The following PDE10A variants were observed in gnomAD, a reference collection of about 807,000 sequenced individuals.
The protein encoded by PDE10A is cAMP and cAMP-inhibited cGMP 3',5'-cyclic phosphodiesterase 10A.
PDE10A carries 39 observed loss-of-function variants against 97.7 expected under a neutral mutation model. That is an observed-to-expected ratio of 0.40 (90% CI 0.31 to 0.52). PDE10A has a LOEUF of 0.52. PDE10A is among the 20% of genes least tolerant of loss of function. PDE10A has a pLI of 0.56. For synonymous variants in PDE10A, 371 were observed against 376.8 expected, an observed-to-expected ratio of 0.98 and a Z score of 0.18; for missense variants, 731 against 1,047.8, an observed-to-expected ratio of 0.70 and a Z score of 4.17.
intron 18 of PDE10A, among the ~76,000 whole-genome samples, chr6:165,355,897 C>T (rs200363278): frequency 2.0e-4 from 30 of 152,156 alleles, no homozygotes; most frequent in East Asian, 3.9e-4. Context: ...ATTTTCACAC[C>T]GCTATAAAGA....
intron 1 of PDE10A, among the ~76,000 whole-genome samples, chr6:165,566,030 T>G (rs531692825): frequency 6.6e-6 from 1 of 152,310 alleles, no homozygotes; most frequent in South Asian, 2.1e-4. Context: ...TGTCATTTAC[T>G]TTTTAGAAGC....
chr6:165,907,917 C>A (rs370130986), intron 1 of PDE10A, among the ~76,000 whole-genome samples: 1 of 152,186 alleles, frequency 6.6e-6, no homozygotes, highest in Non-Finnish European at 1.5e-5. Context: ...TCATTGCTAC[C>A]TAAACCAACA....
chr6:165,626,128 G>C lies in PDE10A; in HGVS notation c.865+35819C>G, dbSNP rs1011728136. On this transcript the variant is annotated intron_variant, in intron 1 of 21. Coordinates refer to ENST00000539869, the MANE Select transcript of PDE10A (RefSeq NM_001385079.1). Reference sequence around the variant, plus strand: ...GGGGATCAAAGACACAGTTACCCAGGAAGGAGGGTGCAGCCAGCTTCATCA... The same window carrying C: ...GGGGATCAAAGACACAGTTACCCAGCAAGGAGGGTGCAGCCAGCTTCATCA... 6.6e-5 allele frequency among the ~76,000 whole-genome samples: 10 copies of C among 152,264 alleles called. No homozygotes were observed. The South Asian group carries it at 1.5e-3, about 22-fold the overall frequency.
chr6:165,460,292 A>G (rs1314678525), intron 3 of PDE10A, among the ~76,000 whole-genome samples: 1 of 152,240 alleles, frequency 6.6e-6, no homozygotes, highest in Non-Finnish European at 1.5e-5. Context: ...TACAGGAGTC[A>G]TTGATTCAGA....
intron 1 of PDE10A, among the ~76,000 whole-genome samples, chr6:165,776,571 T>TA (rs1156888480): frequency 1.3e-5 from 2 of 152,220 alleles, no homozygotes; most frequent in Non-Finnish European, 2.9e-5. Flanking sequence ...ATTCATCACT[T>TA]ACATTTGCAG....
At chr6:165,563,708 T>C (rs1015938706) in intron 1 of PDE10A, among the ~76,000 whole-genome samples, 5 of 151,868 alleles carry the variant, frequency 3.3e-5, no homozygotes, top group Admixed American at 2.6e-4. Flanking sequence ...CTGGCCAACA[T>C]AGTGAAAACC....
chr6:165,426,189 C>A (rs996965933), intron 10 of PDE10A, among the ~76,000 whole-genome samples: 3 of 152,086 alleles, frequency 2.0e-5, no homozygotes, highest in Non-Finnish European at 2.9e-5. Flanking sequence ...TAGAAATTGA[C>A]CTGCTACTTC....
At chr6:165,668,712 G>C (rs1790558419) in intron 1 of PDE10A, among the ~76,000 whole-genome samples, 2 of 143,340 alleles carry the variant, frequency 1.4e-5, no homozygotes, top group Admixed American at 1.5e-4. Flanking sequence ...AGAAAGAAAA[G>C]AAAGAAAGAG....
Position 165,418,647 on chromosome 6 carries a change from G to T in PDE10A, c.1784C>A (p.Thr595Asn). ...CTTCTAGCTGTACCTTATCTCTTTG[G>T]TCTTCTTGAAGACAGGTTTTCCTTC... is the stretch of plus-strand genomic sequence containing the variant. ...EKEGKPVFKK[T>N]KEIRFSIEKG... The change falls in exon 11 of 22, where the codon ACC (threonine) becomes AAC (asparagine). Residue 595 changes from threonine to asparagine, a missense_variant. This residue lies in a region of PDE10A where 108 missense variants were observed against 199.8 expected (regional missense o/e 0.54). Transcript: ENST00000539869. This position sits in a 1 kb window ranked among gnomAD's most constrained non-coding sequence, Gnocchi z 4.8. 1 of 1,612,768 alleles carries T rather than the reference G, an allele frequency of 6.2e-7. No individual in the cohort carries two copies. Among genetic ancestry groups the T allele is most frequent in the Non-Finnish European group, 8.5e-7 (1 of 1,179,746 alleles).
At chr6:165,873,756 ATAAGT>A (rs1781263924) in intron 1 of PDE10A, among the ~76,000 whole-genome samples, 1 of 152,246 alleles carries the variant, frequency 6.6e-6, no homozygotes. Context: ...GAATAAAAAA[ATAAGT>A]TAAGCTATTC....
intron 1 of PDE10A, among the ~76,000 whole-genome samples, chr6:165,609,847 C>T (rs1037261294): frequency 6.6e-5 from 10 of 152,182 alleles, no homozygotes; most frequent in African/African-American, 2.4e-4. Flanking sequence ...CACTGCTCAA[C>T]TAAATAAAAG....
chr6:165,826,576 C>A (rs914860868), intron 1 of PDE10A, among the ~76,000 whole-genome samples: 1 of 152,098 alleles, frequency 6.6e-6, no homozygotes, highest in South Asian at 2.1e-4. Context: ...TCCCGCCACG[C>A]CCCCAGGTAT....
At chr6:165,556,016 A>G (rs1021156034) in intron 1 of PDE10A, among the ~76,000 whole-genome samples, 1 of 151,904 alleles carries the variant, frequency 6.6e-6, no homozygotes, top group Non-Finnish European at 1.5e-5. Context: ...TGCATAGCCT[A>G]CAAATACCGA....
At chr6:165,376,846 G>A (rs1052847385) in intron 18 of PDE10A, among the ~76,000 whole-genome samples, 2 of 152,134 alleles carry the variant, frequency 1.3e-5, no homozygotes, top group African/African-American at 4.8e-5. Context: ...TGGCGCCCAG[G>A]AGTTTGAGGC....
rs572541331 is a variant in PDE10A at position 165,830,028 on chromosome 6, T to A, written c.-615+157501A>T. Reference sequence around the variant, plus strand: ...AGCGGCAATAAACTGAAACTTCAGATAACCCCTCAAATATTCTGGAAATCT... The same window carrying A: ...AGCGGCAATAAACTGAAACTTCAGAAAACCCCTCAAATATTCTGGAAATCT... On this transcript the variant is annotated intron_variant, in intron 1 of 19. Coordinates refer to the PDE10A transcript ENST00000366882. Among the ~76,000 whole-genome samples the A allele has an allele frequency of 3.3e-5, 5 of 152,330 alleles. No individual in the cohort carries two copies. The South Asian group carries it at 1.0e-3, about 32-fold the overall frequency.
chr6:165,682,084 G>C (rs991771853), intron 1 of PDE10A, among the ~76,000 whole-genome samples: 1 of 152,136 alleles, frequency 6.6e-6, no homozygotes, highest in African/African-American at 2.4e-5. Context: ...GTAGCCAACT[G>C]TATCTCTTAC....
chr6:165,447,646 AAG>A (rs1790965734), intron 5 of PDE10A, among the ~76,000 whole-genome samples: 1 of 152,234 alleles, frequency 6.6e-6, no homozygotes, highest in Non-Finnish European at 1.5e-5. Flanking sequence ...ATGCACCGAA[AAG>A]AAGTAATATC....
At chr6:165,414,457 G>A (rs183557305) in intron 12 of PDE10A, among the ~76,000 whole-genome samples, 43 of 152,230 alleles carry the variant, frequency 2.8e-4, no homozygotes, top group African/African-American at 1.0e-3. Flanking sequence ...TTAGCATAAA[G>A]GTTTTTGAGA....
chr6:165,636,954 G>A (rs78378707), intron 1 of PDE10A, among the ~76,000 whole-genome samples: 2,318 of 152,214 alleles, frequency 0.015, 62 homozygotes, highest in East Asian at 0.089. Flanking sequence ...CACCTGAGAC[G>A]ATTCATGTGA....
Sources: allele counts gnomAD v4.1 joint callset (sites outside exome capture counted in the v4.1 genomes callset), GRCh38; gene constraint gnomAD v4.1.1; regional missense constraint gnomAD v4.1.1; non-coding constraint Gnocchi (gnomAD v3.1); transcripts MANE v1.5; gene names NCBI Gene and HGNC (gene_info 2026-07-23, HGNC 2026-07-21).